The following SDK2 variants were observed in gnomAD, a reference collection of about 807,000 sequenced individuals.
SDK2 encodes protein sidekick-2.
SDK2 carries 105 observed loss-of-function variants against 253.9 expected under a neutral mutation model. The ratio of observed to expected loss-of-function variants is 0.41; its 90% CI spans 0.35 to 0.49. The LOEUF is 0.49. SDK2 is among the 20% of genes least tolerant of loss of function. SDK2 has a pLI of 0.06. For synonymous variants in SDK2, 1,249 were observed against 1,234.9 expected (o/e 1.01, Z -0.24); for missense variants, 2,608 against 3,003.0 (o/e 0.87, Z 3.07).
At chr17:73,380,731 G>A (rs1599503257) in intron 34 of SDK2, among the ~76,000 whole-genome samples, 163 bp downstream of exon 34, 1 of 152,200 alleles carries the variant, frequency 6.6e-6, no homozygotes, top group African/African-American at 2.4e-5. Flanking sequence ...CTACTTTTCC[G>A]TGTGTTTAGG....
At chr17:73,555,745 C>G (rs2045133678) in intron 1 of SDK2, among the ~76,000 whole-genome samples, 1 of 152,238 alleles carries the variant, frequency 6.6e-6, no homozygotes, top group Non-Finnish European at 1.5e-5. Flanking sequence ...GGATTAGCAG[C>G]TCTGCTTCCC....
At position 73,385,834 on chromosome 17, in the gene SDK2, C is replaced by A; in HGVS notation, c.4569+13G>T. 5 of 1,598,158 alleles carry A rather than the reference C, an allele frequency of 3.1e-6. No homozygotes were observed. The highest frequency in any genetic ancestry group is 2.3e-5 in the South Asian group (2 of 87,616). ...TGGGTCTTCACGGAGGTTTCCTGCC[C>A]GCTGGGCCATACCTGCCATCGGATT... On this transcript the variant is annotated intron_variant, in intron 32 of 44. Transcript: ENST00000392650.
chr17:73,465,975 C>T lies in SDK2; in HGVS notation c.331+6137G>A, dbSNP rs527764044. Among the ~76,000 whole-genome samples, 1 of 152,324 alleles carries T rather than the reference C, an allele frequency of 6.6e-6. No homozygotes were observed. The highest frequency in any genetic ancestry group is 2.4e-5 in the African/African-American group (1 of 41,568). On this transcript the variant is annotated intron_variant, in intron 3 of 44. Coordinates refer to ENST00000392650, the MANE Select transcript of SDK2 (RefSeq NM_001144952.2). This position sits in a 1 kb window ranked among gnomAD's most constrained non-coding sequence, Gnocchi z 4.2. Reference sequence around the variant, plus strand: ...GACAGACGGATTGGCAGACAGGCAGCTGCAGCAGGCCTGAAGCACAGAATC... The same window carrying T: ...GACAGACGGATTGGCAGACAGGCAGTTGCAGCAGGCCTGAAGCACAGAATC...
chr17:73,474,296 A>G (rs1463074511), intron 2 of SDK2, among the ~76,000 whole-genome samples: 1 of 152,234 alleles, frequency 6.6e-6, no homozygotes, highest in Non-Finnish European at 1.5e-5. Flanking sequence ...TAACCCTACT[A>G]GCACCTTCTT....
chr17:73,398,499 C>G, intron 22 of SDK2, 70 bp from the exon 23 acceptor site: 2 of 1,324,026 alleles, frequency 1.5e-6, no homozygotes, highest in Non-Finnish European at 2.1e-6. Flanking sequence ...AGCCCCAGTA[C>G]AAGCCCTGCC....
chr17:73,395,316 T>C lies in SDK2; in HGVS notation c.3431A>G (p.His1144Arg). 1 of 1,614,008 alleles carries C rather than the reference T, an allele frequency of 6.2e-7. No individual in the cohort carries two copies. The highest frequency in any genetic ancestry group is 8.5e-7 in the Non-Finnish European group (1 of 1,179,890). ...YKIKYSRSDGHGKTLSHVVQD... is the reference protein window; with the variant it reads ...YKIKYSRSDGRGKTLSHVVQD... ...CACCACGTGGCTCAGCGTCTTGCCA[T>C]GCCCGTCTGACCGGCTGTACTTGAT... Residue 1144 changes from histidine (H) to arginine (R), a missense_variant, in exon 25 of 45, where the codon CAT becomes CGT. Transcript: ENST00000392650. This position sits in a 1 kb window ranked among gnomAD's most constrained non-coding sequence, Gnocchi z 4.3.
intron 1 of SDK2, among the ~76,000 whole-genome samples, chr17:73,576,170 A>T (rs1224309809): frequency 2.0e-5 from 3 of 152,226 alleles, no homozygotes; most frequent in Non-Finnish European, 4.4e-5. Flanking sequence ...TGATGAAATC[A>T]TGAGGATGGG....
rs552471338 is a variant in SDK2 at position 73,436,136 on chromosome 17, C to T, written c.1001-492G>A. ...TCCAAGTGGGGGATGCTTTCCCAAA[C>T]GAATGGCGCCCTGTGTCGAAGAGCA... On this transcript the variant is annotated intron_variant, in intron 8 of 44. Coordinates refer to ENST00000392650, the MANE Select transcript of SDK2 (RefSeq NM_001144952.2). Among the ~76,000 whole-genome samples the T allele has an allele frequency of 1.1e-4, 16 of 152,234 alleles. No homozygotes were observed. In the Middle Eastern group the frequency reaches 0.01, roughly 97 times the overall value.
rs9896128 is a variant in SDK2, at chr17:73,557,090, A to T, written c.65-49493T>A. 6.2e-3 allele frequency among the ~76,000 whole-genome samples: 944 copies of T among 152,348 alleles called. 11 individuals carry two copies. The highest frequency in any genetic ancestry group is 0.02 in the African/African-American group (843 of 41,574). ...ATTCTCCAGAATATTCTGGCTGTAT[A>T]AAACCGAGCAAATCAATTTCTCTGG... On this transcript the variant is annotated intron_variant, in intron 1 of 44. Coordinates refer to ENST00000392650, the MANE Select transcript of SDK2 (RefSeq NM_001144952.2).
chr17:73,457,238 C>A (rs1406462413), intron 3 of SDK2, among the ~76,000 whole-genome samples: 2 of 44,240 alleles, frequency 4.5e-5, no homozygotes, highest in East Asian at 2.3e-3. Context: ...TTCCTTCCTT[C>A]CTTCCTTCCT....
chr17:73,513,438 TA>T (rs1443653344), intron 1 of SDK2, among the ~76,000 whole-genome samples: 4 of 152,202 alleles, frequency 2.6e-5, no homozygotes, highest in Non-Finnish European at 5.9e-5. Context: ...GGCCAAGATG[TA>T]AAAGTGTGAT....
chr17:73,415,850 C>T lies in SDK2; in HGVS notation c.2329G>A (p.Val777Ile), dbSNP rs779990477. Residue 777 changes from valine (V) to isoleucine (I), a missense_variant, in exon 17 of 45, where the codon GTC (valine) becomes ATC (isoleucine). Val to Ile is a conservative substitution (Grantham distance 29). Around this residue, in one of 2 missense-constraint regions of SDK2, gnomAD observed 1,505 missense variants for 1,859.1 expected, o/e 0.81. Transcript: ENST00000392650. ...VAAYNSAGLG[V>I]YSSKVTEWTL... ...CACTCGGTGACTTTACTGCTGTAGA[C>T]CCCCAGCCCAGCGCTGTTGTAAGCA... 6.4e-7 allele frequency: 1 copy of T among 1,559,872 alleles called. No homozygotes were observed. The highest frequency in any genetic ancestry group is 1.2e-5 in the South Asian group (1 of 84,488).
intron 1 of SDK2, among the ~76,000 whole-genome samples, chr17:73,584,477 ACAGT>A (rs2045578001): frequency 6.6e-6 from 1 of 152,290 alleles, no homozygotes; most frequent in Non-Finnish European, 1.5e-5. Context: ...AAAGAGGGAA[ACAGT>A]CAGCTCCGAG....
intron 1 of SDK2, among the ~76,000 whole-genome samples, chr17:73,628,321 G>A (rs1382470205): frequency 1.3e-5 from 2 of 152,232 alleles, no homozygotes; most frequent in African/African-American, 4.8e-5. Context: ...GCACTCATAA[G>A]CCATGCTACT....
At chr17:73,364,416 TAGC>T (rs1413333209) in intron 38 of SDK2, among the ~76,000 whole-genome samples, 1 of 152,054 alleles carries the variant, frequency 6.6e-6, no homozygotes, top group Non-Finnish European at 1.5e-5. Context: ...GGTCCGCAGA[TAGC>T]AGTGGGGGGT....
intron 10 of SDK2, among the ~76,000 whole-genome samples, chr17:73,433,306 G>T (rs138646968): frequency 6.6e-6 from 1 of 151,224 alleles, no homozygotes; most frequent in Non-Finnish European, 1.5e-5. Context: ...TTTTTGAGAC[G>T]GAGTCTCGCT....
chr17:73,452,199 A>G (rs11077682), intron 4 of SDK2, among the ~76,000 whole-genome samples: 128,295 of 152,124 alleles, frequency 0.84, 54,840 homozygotes, highest in Non-Finnish European at 0.9. Flanking sequence ...CGGGGCATGC[A>G]TGAGGTGGTG....
intron 15 of SDK2, among the ~76,000 whole-genome samples, chr17:73,419,916 G>A (rs776871057): frequency 1.3e-4 from 19 of 151,738 alleles, no homozygotes; most frequent in Non-Finnish European, 2.4e-4. Context: ...TGTTTTTGGT[G>A]CCGTTGAGGG....
At chr17:73,442,529 C>T (rs781232854) in intron 5 of SDK2, among the ~76,000 whole-genome samples, 2 of 152,062 alleles carry the variant, frequency 1.3e-5, no homozygotes, top group Non-Finnish European at 2.9e-5. Flanking sequence ...TTAGTAGAGA[C>T]GGGGTTTCAC....
Sources: gnomAD v4.1 joint callset for allele counts (sites outside exome capture counted in the v4.1 genomes callset) on GRCh38, gnomAD v4.1.1 for gene constraint, gnomAD v4.1.1 regional missense constraint, Gnocchi (gnomAD v3.1) non-coding constraint, MANE v1.5 for transcripts, NCBI Gene and HGNC (gene_info 2026-07-23, HGNC 2026-07-21) for gene names.